The following SOS1 variants were observed in gnomAD, a reference collection of about 807,000 sequenced individuals.
The protein encoded by SOS1 is son of sevenless homolog 1.
SOS1 carries 25 observed loss-of-function variants against 157.6 expected under a neutral mutation model. The observed-to-expected ratio is 0.16, with a 90% CI of 0.12 to 0.22. SOS1 has a LOEUF of 0.22. Ranked by LOEUF, SOS1 falls within the 10% of genes least tolerant of loss-of-function variation. The pLI is 1.00. For missense variants in SOS1, 1,237 were observed against 1,599.1 expected (o/e 0.77, Z 3.86); for synonymous variants, 528 against 534.0 (o/e 0.99, Z 0.16).
At position 39,120,535 on chromosome 2, in the gene SOS1, C is replaced by T. The variant is rs573033981; in HGVS notation, c.-113G>A. ...AGGGCCGCGGCCCCACCGGACGGCC[C>T]GGCCCCCTCCGGGCGCCGCGCAGCC... On this transcript the variant is annotated 5_prime_UTR_variant, in exon 1 of 23. Transcript: ENST00000402219. The T allele has an allele frequency of 2.4e-5, 26 of 1,093,294 alleles. No homozygotes were observed. Among genetic ancestry groups the T allele is most frequent in the Non-Finnish European group, 2.7e-5 (24 of 899,992 alleles). 67.7% of individuals were successfully genotyped at this position (1,093,294 alleles called of 1,614,324 possible).
intron 15 of SOS1, 58 bp downstream of exon 15, chr2:39,010,526 A>G (rs1669432831): frequency 6.6e-7 from 1 of 1,522,590 alleles, no homozygotes; most frequent in African/African-American, 1.4e-5. Context: ...AAAAAATTGC[A>G]TTGAAATTCA....
At chr2:39,102,267 A>C (rs1415962759) in intron 1 of SOS1, among the ~76,000 whole-genome samples, 3 of 148,684 alleles carry the variant, frequency 2.0e-5, no homozygotes, top group Non-Finnish European at 4.4e-5. Flanking sequence ...TCATACCTGT[A>C]AACCCAGCAC....
At chr2:39,000,604 C>G (rs1227061816) in intron 17 of SOS1, among the ~76,000 whole-genome samples, 9 of 152,140 alleles carry the variant, frequency 5.9e-5, no homozygotes, top group African/African-American at 1.9e-4. Context: ...CCCATCCTTC[C>G]CAGGATAAAG....
At chr2:39,040,579 T>C (rs999655262) in intron 6 of SOS1, among the ~76,000 whole-genome samples, 1 of 152,212 alleles carries the variant, frequency 6.6e-6, no homozygotes, top group Non-Finnish European at 1.5e-5. Context: ...AAACATACAA[T>C]ATTGTCCTTT....
chr2:39,066,462 A>G (rs1671590789), intron 2 of SOS1, among the ~76,000 whole-genome samples: 1 of 152,142 alleles, frequency 6.6e-6, no homozygotes, highest in African/African-American at 2.4e-5. Context: ...CCCATTTTCT[A>G]CAATTGGTAC....
chr2:39,090,547 T>A (rs1187358904), intron 1 of SOS1, among the ~76,000 whole-genome samples: 1 of 151,826 alleles, frequency 6.6e-6, no homozygotes, highest in Non-Finnish European at 1.5e-5. Flanking sequence ...AATACAAAAA[T>A]TAGCCAGGCA....
chr2:39,107,974 T>C (rs1673265566), intron 1 of SOS1, among the ~76,000 whole-genome samples: 2 of 152,148 alleles, frequency 1.3e-5, no homozygotes, highest in Admixed American at 6.6e-5. Context: ...AGTAAATCCC[T>C]CCTATCACAA....
chr2:39,117,812 T>C (rs2148238100), intron 1 of SOS1, among the ~76,000 whole-genome samples: 1 of 152,240 alleles, frequency 6.6e-6, no homozygotes, highest in South Asian at 2.1e-4. Context: ...ACATACAGGC[T>C]CTACCTGAGT....
chr2:39,014,634 A>T, intron 11 of SOS1, 131 bp downstream of exon 11: 1 of 510,684 alleles, frequency 2.0e-6, no homozygotes, highest in Non-Finnish European at 3.6e-6. Flanking sequence ...TTCATCTAAG[A>T]GATTTTATTT....
intron 11 of SOS1, among the ~76,000 whole-genome samples, chr2:39,014,536 T>A (rs556308386): frequency 3.7e-4 from 57 of 152,056 alleles, no homozygotes; most frequent in African/African-American, 1.3e-3. Flanking sequence ...TTCTGTAAAT[T>A]TGAAATTTCA....
chr2:39,119,149 G>A (rs932978489), intron 1 of SOS1, among the ~76,000 whole-genome samples: 8 of 152,174 alleles, frequency 5.3e-5, no homozygotes, highest in African/African-American at 1.7e-4. Context: ...GTGAGAGCCT[G>A]AAGGGATTTC....
intron 13 of SOS1, among the ~76,000 whole-genome samples, chr2:39,012,714 A>C (rs1464255615): frequency 1.3e-5 from 2 of 152,210 alleles, no homozygotes; most frequent in East Asian, 3.8e-4. Context: ...CACAAGATTT[A>C]TAAGGATAGA....
upstream of SOS1, among the ~76,000 whole-genome samples, chr2:39,124,663 C>T (rs916670028): frequency 6.6e-6 from 1 of 152,278 alleles, no homozygotes; most frequent in African/African-American, 2.4e-5. Flanking sequence ...CAGCTACTTA[C>T]TTTTCTGTTC....
intron 1 of SOS1, among the ~76,000 whole-genome samples, chr2:39,109,400 C>G (rs1405212690): frequency 6.6e-6 from 1 of 152,016 alleles, no homozygotes; most frequent in Non-Finnish European, 1.5e-5. Flanking sequence ...CAACAGAACC[C>G]TTTTTTTCCA....
chr2:39,047,757 A>G (rs1373678056), intron 6 of SOS1, among the ~76,000 whole-genome samples: 1 of 152,072 alleles, frequency 6.6e-6, no homozygotes, highest in African/African-American at 2.4e-5. Flanking sequence ...TGCAACCTCT[A>G]TCTCCCAAGT....
At chr2:39,091,010 C>T (rs138319618) in intron 1 of SOS1, among the ~76,000 whole-genome samples, 6 of 151,968 alleles carry the variant, frequency 3.9e-5, no homozygotes, top group African/African-American at 1.5e-4. Context: ...ATGGGACTAC[C>T]GGTGCACGCC....
chr2:38,994,997 C>A, intron 20 of SOS1, 126 bp downstream of exon 20: 1 of 734,172 alleles, frequency 1.4e-6, no homozygotes. Context: ...ATAATATTAT[C>A]TTTTGAAATG....
chr2:39,105,123 G>C (rs7571731), intron 1 of SOS1, among the ~76,000 whole-genome samples: 2 of 152,106 alleles, frequency 1.3e-5, no homozygotes, highest in African/African-American at 2.4e-5. Context: ...TTATCAGTAA[G>C]TGCATTCCAT....
intron 8 of SOS1, among the ~76,000 whole-genome samples, chr2:39,031,117 GT>G (rs1670145019): frequency 6.6e-6 from 1 of 152,176 alleles, no homozygotes; most frequent in Non-Finnish European, 1.5e-5. Flanking sequence ...AATTTCTGTT[GT>G]TTATAAGCCT....
Sources: gnomAD v4.1 joint callset for allele counts (sites outside exome capture counted in the v4.1 genomes callset) on GRCh38, gnomAD v4.1.1 for gene constraint, MANE v1.5 for transcripts, NCBI Gene and HGNC (gene_info 2026-07-23, HGNC 2026-07-21) for gene names.